KCNG3: variants seen among roughly 807,000 people sequenced by gnomAD.
The protein encoded by KCNG3 is voltage-gated potassium channel regulatory subunit KCNG3.
In KCNG3, 15 loss-of-function variants were observed where a neutral mutation model predicts 29.0. The observed-to-expected ratio is 0.52, with a 90% CI of 0.35 to 0.80. The LOEUF is 0.80. KCNG3 is among the 30% of genes least tolerant of loss of function. The probability of loss-of-function intolerance (pLI) is 0.01; values close to 1 mark genes in which losing one functional copy is unlikely to be tolerated. For synonymous variants in KCNG3, 322 were observed against 248.9 expected (o/e 1.29, Z -2.76); for missense variants, 512 against 605.7 (o/e 0.85, Z 1.62).
In KCNG3 at chr2:42,493,692, T is replaced by G; in HGVS notation, c.-191A>C. The G allele has an allele frequency of 2.6e-6, 1 of 391,848 alleles. No homozygotes were observed. Among genetic ancestry groups the G allele is most frequent in the Non-Finnish European group, 4.3e-6 (1 of 232,160 alleles). 24.3% of individuals were successfully genotyped at this position (391,848 alleles called of 1,614,324 possible). On this transcript the variant is annotated 5_prime_UTR_variant, in exon 1 of 2. Transcript: ENST00000306078. The stretch of plus-strand genomic sequence containing the variant: ...GCTCGAGTATCTCCGGCGCTGCTAG[T>G]AGCGCGCCCTCCGCCCGGCGGTACC...
At chr2:42,390,932 C>G in the KCNG3 span, among the ~76,000 whole-genome samples, 1 of 152,170 alleles carries the variant, frequency 6.6e-6, no homozygotes, top group Admixed American at 6.5e-5. Flanking sequence ...CTATTTGTTT[C>G]TCTGGGCAGT....
At chr2:42,490,387 C>G (rs1425871266) in intron 1 of KCNG3, among the ~76,000 whole-genome samples, 1 of 151,950 alleles carries the variant, frequency 6.6e-6, no homozygotes, top group African/African-American at 2.4e-5. Flanking sequence ...ACCAGTCTGA[C>G]CAACATGGAG....
At chr2:42,429,589 C>T in the KCNG3 span, among the ~76,000 whole-genome samples, 5 of 152,308 alleles carry the variant, frequency 3.3e-5, no homozygotes, top group East Asian at 7.7e-4. Flanking sequence ...CAGGGTGTGA[C>T]ACTGCACAAA....
chr2:42,444,731 C>T lies in KCNG3; in HGVS notation c.666-152G>A, dbSNP rs368043556. The T allele has an allele frequency of 1.3e-4, 86 of 664,556 alleles. No individual in the cohort carries two copies. The Middle Eastern group carries it at 2.3e-3, about 18-fold the overall frequency. 41.2% of individuals were successfully genotyped at this position (664,556 alleles called of 1,614,324 possible). ...GACAACATTAGCAACATCATCAGAC[C>T]ACCAGGATGCACGCAACAGAACAAC... On this transcript the variant is annotated intron_variant, in intron 1 of 1. Transcript: ENST00000306078. The surrounding 1 kb of genome is among the most constrained non-coding windows in gnomAD (Gnocchi z 5.8).
the KCNG3 span, among the ~76,000 whole-genome samples, chr2:42,412,350 T>A: frequency 3.3e-5 from 5 of 152,260 alleles, no homozygotes; most frequent in African/African-American, 4.8e-5. Context: ...ATTCCCCATC[T>A]TCTTTTGTAC....
chr2:42,472,890 G>T (rs1451962957), intron 1 of KCNG3, among the ~76,000 whole-genome samples: 17 of 124,162 alleles, frequency 1.4e-4, no homozygotes, highest in African/African-American at 2.9e-4. Flanking sequence ...TCTATCGATA[G>T]ATATATATAT....
the KCNG3 span, among the ~76,000 whole-genome samples, chr2:42,400,599 T>G: frequency 1.3e-5 from 2 of 152,124 alleles, no homozygotes; most frequent in Non-Finnish European, 2.9e-5. Flanking sequence ...ATTTAGACAG[T>G]AAATGAAGTT....
At chr2:42,447,746 G>T (rs1217955301) in intron 1 of KCNG3, among the ~76,000 whole-genome samples, 2 of 151,282 alleles carry the variant, frequency 1.3e-5, no homozygotes, top group African/African-American at 2.4e-5. Context: ...TATGTTGCCT[G>T]GAATGGCCTC....
the KCNG3 span, among the ~76,000 whole-genome samples, chr2:42,395,294 G>T: frequency 6.6e-6 from 1 of 152,128 alleles, no homozygotes; most frequent in Non-Finnish European, 1.5e-5. Flanking sequence ...TAAGCCAGCA[G>T]GTGGAAAAAA....
At chr2:42,441,603 A>G (rs1672479215), downstream of KCNG3, among the ~76,000 whole-genome samples, 1 of 151,876 alleles carries the variant, frequency 6.6e-6, no homozygotes, top group African/African-American at 2.4e-5. Context: ...CTTCTTTATG[A>G]AAATCGGTCC....
At chr2:42,429,693 C>T in the KCNG3 span, among the ~76,000 whole-genome samples, 1 of 152,170 alleles carries the variant, frequency 6.6e-6, no homozygotes, top group Non-Finnish European at 1.5e-5. Flanking sequence ...AGGCTGCTTC[C>T]CCCAGGGCAG....
intron 1 of KCNG3, among the ~76,000 whole-genome samples, chr2:42,461,715 C>G (rs1298085337): frequency 6.6e-6 from 1 of 152,176 alleles, no homozygotes; most frequent in Non-Finnish European, 1.5e-5. Context: ...ACAAGAAGAT[C>G]AATCTCAATA....
chr2:42,469,032 T>G (rs924941170), intron 1 of KCNG3, among the ~76,000 whole-genome samples: 2 of 150,880 alleles, frequency 1.3e-5, no homozygotes, highest in Admixed American at 6.6e-5. Context: ...TAGTGTAATG[T>G]GATCAAAATT....
the KCNG3 span, among the ~76,000 whole-genome samples, chr2:42,399,823 C>A: frequency 1.3e-5 from 2 of 152,132 alleles, no homozygotes; most frequent in African/African-American, 4.8e-5. Context: ...ACTCAGGAAG[C>A]TTGATACGTC....
chr2:42,401,673 G>A, the KCNG3 span, among the ~76,000 whole-genome samples: 2 of 152,002 alleles, frequency 1.3e-5, no homozygotes, highest in African/African-American at 4.8e-5. Context: ...TGAAGTCCTG[G>A]GCTCAAACAA....
rs774771903 is a variant in KCNG3 at position 42,493,105 on chromosome 2, C to G, written c.397G>C (p.Gly133Arg). The change falls in exon 1 of 2, where the codon GGC becomes CGC. Residue 133 changes from glycine to arginine, a missense_variant. Coordinates refer to ENST00000306078, the MANE Select transcript of KCNG3 (RefSeq NM_133329.6). ...CGCGCCTCGTCGCGGCCCAGCACGC[C>G]CGGCTCGTCGGCCGAGTAGAAGGTG... ...TYTFYSADEPGVLGRDEARPG... is the reference protein window; with the variant it reads ...TYTFYSADEPRVLGRDEARPG... 1 of 1,588,626 alleles carries G rather than the reference C, an allele frequency of 6.3e-7. No individual in the cohort carries two copies. The highest frequency in any genetic ancestry group is 8.5e-7 in the Non-Finnish European group (1 of 1,171,938).
the KCNG3 span, among the ~76,000 whole-genome samples, chr2:42,427,104 A>G: frequency 4.9e-3 from 743 of 152,326 alleles, 5 homozygotes; most frequent in Middle Eastern, 0.01. Context: ...AAATACTCTA[A>G]TATCTTTGCA....
At chr2:42,399,250 T>C in the KCNG3 span, among the ~76,000 whole-genome samples, 1 of 152,132 alleles carries the variant, frequency 6.6e-6, no homozygotes, top group Admixed American at 6.5e-5. Flanking sequence ...AGGGACAGGA[T>C]CTTGCCCCGT....
At chr2:42,492,769 G>C in intron 1 of KCNG3, 68 bp downstream of exon 1, 1 of 1,329,236 alleles carries the variant, frequency 7.5e-7, no homozygotes, top group Non-Finnish European at 9.8e-7. Context: ...GACGGAGACG[G>C]GACGTATGGA....
Sources: allele counts gnomAD v4.1 joint callset (sites outside exome capture counted in the v4.1 genomes callset), GRCh38; gene constraint gnomAD v4.1.1; non-coding constraint Gnocchi (gnomAD v3.1); transcripts MANE v1.5; gene names NCBI Gene and HGNC (gene_info 2026-07-23, HGNC 2026-07-21).